Variants in XKR6 observed in about 807,000 individuals in gnomAD.
XKR6 encodes the protein XK related 6.
Under a neutral mutation model 56.7 loss-of-function variants are expected in XKR6, and 22 were observed. The observed-to-expected ratio is 0.39, with a 90% confidence interval of 0.28 to 0.55. XKR6 has a LOEUF of 0.55. Among genes scored for constraint, XKR6 ranks in the 20% least tolerant of loss-of-function variants. The pLI is 0.66. For synonymous variants in XKR6, 524 were observed against 387.8 expected (o/e 1.35, Z -4.13); for missense variants, 852 against 889.0 (o/e 0.96, Z 0.53).
At chr8:11,037,655 C>T (rs539720794) in intron 1 of XKR6, among the ~76,000 whole-genome samples, 31 of 152,274 alleles carry the variant, frequency 2.0e-4, no homozygotes, top group Middle Eastern at 6.8e-3. Flanking sequence ...GTCAAGAGAT[C>T]GAGACCATCC....
At chr8:11,000,299 G>T (rs1798208503) in intron 1 of XKR6, among the ~76,000 whole-genome samples, 1 of 152,192 alleles carries the variant, frequency 6.6e-6, no homozygotes. Context: ...GAAACAGTTT[G>T]CAAGGCTGAA....
chr8:10,956,244 C>A (rs1194595936), intron 1 of XKR6, among the ~76,000 whole-genome samples: 2 of 152,208 alleles, frequency 1.3e-5, no homozygotes, highest in African/African-American at 2.4e-5. Context: ...ATTTGCGGAG[C>A]CTTCCTCTGT....
intron 1 of XKR6, among the ~76,000 whole-genome samples, chr8:10,958,499 T>C (rs1048304248): frequency 6.6e-6 from 1 of 152,184 alleles, no homozygotes; most frequent in Non-Finnish European, 1.5e-5. Context: ...GAGCTGGATA[T>C]CACTGGCAAG....
At chr8:10,946,843 G>A (rs1478826998) in intron 1 of XKR6, among the ~76,000 whole-genome samples, 3 of 152,274 alleles carry the variant, frequency 2.0e-5, no homozygotes, top group African/African-American at 7.2e-5. Context: ...CTAGGCATGA[G>A]ATATTTCTGT....
At chr8:11,140,368 C>A (rs1183047931) in intron 1 of XKR6, among the ~76,000 whole-genome samples, 2 of 152,172 alleles carry the variant, frequency 1.3e-5, no homozygotes, top group African/African-American at 4.8e-5. Context: ...AAATGGCTAA[C>A]ACCAGATTAA....
chr8:10,912,200 GGT>G (rs1167960524), intron 2 of XKR6, among the ~76,000 whole-genome samples: 4 of 142,504 alleles, frequency 2.8e-5, no homozygotes, highest in East Asian at 4.3e-4. Flanking sequence ...AGAGTGGGAT[GGT>G]GTGTGTGTGT....
intron 1 of XKR6, among the ~76,000 whole-genome samples, chr8:11,120,653 CAATGACTTTCTTCACAG>C (rs1332114983): frequency 6.6e-6 from 1 of 152,094 alleles, no homozygotes; most frequent in East Asian, 1.9e-4. Flanking sequence ...ATCAAGCTAC[CAATGACTTTCTTCACAG>C]AATTGGAAAA....
chr8:11,070,521 C>G (rs143998007), intron 1 of XKR6, among the ~76,000 whole-genome samples: 1 of 152,264 alleles, frequency 6.6e-6, no homozygotes, highest in East Asian at 1.9e-4. Flanking sequence ...AACACAAAAC[C>G]AGGTAATGAG....
At position 11,124,433 on chromosome 8, in the gene XKR6, G is replaced by A. The variant is rs943185102; in HGVS notation, c.764+76143C>T. On this transcript the variant is annotated intron_variant, in intron 1 of 2. Transcript: ENST00000416569. The stretch of plus-strand genomic sequence containing the variant: ...GCAGAAACAAGCACGTACATTTTTT[G>A]AAGTAGAGAAGTCACAAGCAGAAGC... The A allele has an allele frequency of 1.8e-5, 3 of 162,748 alleles. No homozygotes were observed. In the South Asian group the frequency reaches 5.1e-4, roughly 28 times the overall value. The allele number at this position is 162,748 out of a possible 1,614,324, so 10.1% of individuals were successfully genotyped here. A position where few individuals can be genotyped will look rare whatever the true frequency, so the allele number is the denominator to read the frequency against.
intron 1 of XKR6, among the ~76,000 whole-genome samples, chr8:11,026,355 A>G (rs1009143020): frequency 2.0e-4 from 30 of 151,212 alleles, no homozygotes; most frequent in Admixed American, 1.5e-3. Flanking sequence ...AGTGTTGCCT[A>G]CTACACACCT....
rs116722719 is a variant in XKR6, at chr8:10,980,007, T to G, written c.765-55177A>C. 1.6e-3 allele frequency among the ~76,000 whole-genome samples: 248 copies of G among 152,356 alleles called. 1 individual carries two copies. The highest frequency in any genetic ancestry group is 5.7e-3 in the African/African-American group (239 of 41,586). On this transcript the variant is annotated intron_variant, in intron 1 of 2. Transcript: ENST00000416569. ...CCTGCTGCTGCCCCGTCCTGGCTCA[T>G]GCCAAACCCTGAGGCAGACATCTCT...
At chr8:10,955,959 C>T (rs2129128540) in intron 1 of XKR6, among the ~76,000 whole-genome samples, 1 of 152,330 alleles carries the variant, frequency 6.6e-6, no homozygotes, top group South Asian at 2.1e-4. Flanking sequence ...CCCTGAGTGG[C>T]TGCTCGGTGA....
At chr8:11,135,780 A>C (rs1800358022) in intron 1 of XKR6, among the ~76,000 whole-genome samples, 4 of 152,074 alleles carry the variant, frequency 2.6e-5, no homozygotes. Flanking sequence ...TACAGAAAAA[A>C]ATTTCATATA....
Position 11,165,301 on chromosome 8 carries a change from T to C in XKR6, c.764+35275A>G, listed in dbSNP as rs554597563. On this transcript the variant is annotated intron_variant, in intron 1 of 2. Transcript: ENST00000416569. ...TTTTAATAGAGATGGGGTTTCACCA[T>C]GTTGGCCAGGCTGGTCTTGAACTCC... 2.6e-5 allele frequency among the ~76,000 whole-genome samples: 4 copies of C among 152,196 alleles called. No homozygotes were observed. The South Asian group carries it at 8.3e-4, about 32-fold the overall frequency.
chr8:10,948,327 G>A (rs1271176689), intron 1 of XKR6, among the ~76,000 whole-genome samples: 1 of 152,164 alleles, frequency 6.6e-6, no homozygotes, highest in Non-Finnish European at 1.5e-5. Flanking sequence ...CCATGCAGCT[G>A]TTGGTCCTGT....
intron 1 of XKR6, among the ~76,000 whole-genome samples, chr8:11,173,761 C>G (rs1802505805): frequency 6.6e-6 from 1 of 152,188 alleles, no homozygotes; most frequent in Admixed American, 6.5e-5. Flanking sequence ...GCTCACAACC[C>G]ACCCACCAGT....
chr8:11,160,314 G>A (rs992478104), intron 1 of XKR6, among the ~76,000 whole-genome samples: 2 of 151,880 alleles, frequency 1.3e-5, no homozygotes, highest in Non-Finnish European at 1.5e-5. Flanking sequence ...TCAATTCTGA[G>A]TAGTCAATAA....
chr8:11,191,254 T>A (rs920840636), intron 1 of XKR6, among the ~76,000 whole-genome samples: 2 of 152,164 alleles, frequency 1.3e-5, no homozygotes, highest in African/African-American at 2.4e-5. Flanking sequence ...TTAAAACACA[T>A]ACACCCACCA....
intron 1 of XKR6, among the ~76,000 whole-genome samples, chr8:11,093,081 G>C (rs879393221): frequency 1.3e-5 from 2 of 151,628 alleles, no homozygotes; most frequent in African/African-American, 4.9e-5. Flanking sequence ...TTTAGACGGA[G>C]TTTCACTCTT....
Sources: gnomAD v4.1 joint callset for allele counts (sites outside exome capture counted in the v4.1 genomes callset) on GRCh38, gnomAD v4.1.1 for gene constraint, MANE v1.5 for transcripts, NCBI Gene and HGNC (gene_info 2026-07-23, HGNC 2026-07-21) for gene names.